Variants in STXBP6 observed in about 807,000 individuals in gnomAD.
STXBP6 encodes syntaxin-binding protein 6.
A neutral mutation model predicts 26.9 loss-of-function variants in STXBP6; 21 were observed. The ratio of observed to expected loss-of-function variants is 0.78; its 90% CI spans 0.55 to 1.12. The LOEUF (loss-of-function observed/expected upper bound fraction) is 1.12. Ranked by LOEUF, STXBP6 falls within the 50% of genes most tolerant of loss-of-function variation. The pLI is 0.00. For missense variants in STXBP6, 232 were observed against 257.9 expected (o/e 0.90, Z 0.69); for synonymous variants, 97 against 92.6 (o/e 1.05, Z -0.27).
chr14:24,974,068 C>A (rs987920915), intron 2 of STXBP6, among the ~76,000 whole-genome samples: 118 of 151,738 alleles, frequency 7.8e-4, no homozygotes, highest in African/African-American at 2.7e-3. Flanking sequence ...ATTGTAAATC[C>A]CACAGATCTC....
intron 4 of STXBP6, among the ~76,000 whole-genome samples, chr14:24,838,849 AT>A (rs916194518): frequency 1.3e-5 from 2 of 152,160 alleles, no homozygotes; most frequent in African/African-American, 4.8e-5. Context: ...GCCCTTCCTT[AT>A]TTAATTCCTG....
At chr14:24,856,487 T>C (rs181645816) in intron 3 of STXBP6, among the ~76,000 whole-genome samples, 33 of 152,234 alleles carry the variant, frequency 2.2e-4, no homozygotes, top group Non-Finnish European at 4.3e-4. Flanking sequence ...TTTTAGTCTA[T>C]AGTAACAATT....
intron 1 of STXBP6, among the ~76,000 whole-genome samples, chr14:25,034,478 T>C (rs2075517766): frequency 6.6e-6 from 1 of 152,232 alleles, no homozygotes; most frequent in South Asian, 2.1e-4. Flanking sequence ...AATTAACGTC[T>C]GATCTTCTTT....
chr14:24,935,449 T>C (rs1053225787), intron 2 of STXBP6, among the ~76,000 whole-genome samples: 3 of 152,182 alleles, frequency 2.0e-5, no homozygotes, highest in Admixed American at 6.5e-5. Flanking sequence ...ATGATTCATG[T>C]GAAAAGGCTC....
At chr14:24,886,123 T>A (rs1368014604) in intron 2 of STXBP6, among the ~76,000 whole-genome samples, 1 of 152,226 alleles carries the variant, frequency 6.6e-6, no homozygotes, top group Non-Finnish European at 1.5e-5. Flanking sequence ...CAACACTTTC[T>A]GTATATGACC....
intron 4 of STXBP6, among the ~76,000 whole-genome samples, chr14:24,850,141 G>C (rs960128867): frequency 6.6e-6 from 1 of 152,082 alleles, no homozygotes; most frequent in Admixed American, 6.6e-5. Flanking sequence ...CGCACAAGGT[G>C]AAATAGTTGC....
At position 24,853,065 on chromosome 14, in the gene STXBP6, T is replaced by C. The variant is rs532264537; in HGVS notation, c.451+2871A>G. Among the ~76,000 whole-genome samples the C allele has an allele frequency of 1.3e-4, 20 of 152,266 alleles. No individual in the cohort carries two copies. The South Asian group carries it at 4.1e-3, about 32-fold the overall frequency. ...GTATAGAATCTGGTGTTGGGCAGCATACTAACACCAGTATTAGTTCTTTAA... is the reference window on the plus strand; with the variant it reads ...GTATAGAATCTGGTGTTGGGCAGCACACTAACACCAGTATTAGTTCTTTAA... On this transcript the variant is annotated intron_variant, in intron 4 of 5. Coordinates refer to ENST00000323944, the MANE Select transcript of STXBP6 (RefSeq NM_001394410.1).
chr14:24,949,781 G>A lies in STXBP6; in HGVS notation c.154+24884C>T, dbSNP rs1219206700. On this transcript the variant is annotated intron_variant, in intron 2 of 5. Coordinates refer to ENST00000323944, the MANE Select transcript of STXBP6 (RefSeq NM_001394410.1). Reference sequence around the variant, plus strand: ...ACATAACTGGATATGTAAACAGGCTGTAAATTACTCCTGTAGTGTAACTGA... The same window carrying A: ...ACATAACTGGATATGTAAACAGGCTATAAATTACTCCTGTAGTGTAACTGA... Among the ~76,000 whole-genome samples, 3 of 152,140 alleles carry A rather than the reference G, an allele frequency of 2.0e-5. 1 individual carries two copies. Among genetic ancestry groups the A allele is most frequent in the South Asian group, 4.1e-4 (2 of 4,820 alleles).
At chr14:25,034,665 G>A (rs1480951840) in intron 1 of STXBP6, among the ~76,000 whole-genome samples, 1 of 152,114 alleles carries the variant, frequency 6.6e-6, no homozygotes, top group African/African-American at 2.4e-5. Flanking sequence ...TTCTGACTCT[G>A]TAAAACAGGG....
chr14:24,912,603 A>G (rs1048799556), intron 2 of STXBP6, among the ~76,000 whole-genome samples: 5 of 152,202 alleles, frequency 3.3e-5, no homozygotes, highest in African/African-American at 1.2e-4. Context: ...TAAGGTTTAA[A>G]TAACAATTTA....
At chr14:24,922,778 A>G (rs1301840880) in intron 2 of STXBP6, among the ~76,000 whole-genome samples, 1 of 152,062 alleles carries the variant, frequency 6.6e-6, no homozygotes, top group African/African-American at 2.4e-5. Context: ...ACCATCCCCA[A>G]TATGTACTTT....
intron 2 of STXBP6, among the ~76,000 whole-genome samples, chr14:24,882,185 C>T: frequency 6.6e-6 from 1 of 150,834 alleles, no homozygotes; most frequent in Non-Finnish European, 1.5e-5. Context: ...CGCGACCATC[C>T]CGGCTAAAAC....
At chr14:24,974,576 C>G in intron 2 of STXBP6, 89 bp downstream of exon 2, 1 of 1,219,908 alleles carries the variant, frequency 8.2e-7, no homozygotes, top group Non-Finnish European at 1.1e-6. Context: ...ACCTACAAAA[C>G]CTGTGAATGT....
At chr14:24,949,909 G>A (rs1170819320) in intron 2 of STXBP6, among the ~76,000 whole-genome samples, 9 of 152,178 alleles carry the variant, frequency 5.9e-5, no homozygotes. Context: ...CAATCTGGCT[G>A]TTCTGCACCT....
At chr14:24,955,275 CCTGGGGATGGCT>C (rs2073303854) in intron 2 of STXBP6, among the ~76,000 whole-genome samples, 1 of 152,136 alleles carries the variant, frequency 6.6e-6, no homozygotes, top group African/African-American at 2.4e-5. Context: ...TGATCAACCT[CCTGGGGATGGCT>C]ACCCTGCTTC....
At chr14:24,936,270 A>T (rs1000239285) in intron 2 of STXBP6, among the ~76,000 whole-genome samples, 2 of 152,114 alleles carry the variant, frequency 1.3e-5, no homozygotes, top group Admixed American at 6.5e-5. Flanking sequence ...TCACATATGG[A>T]TCACAGGCCA....
intron 1 of STXBP6, among the ~76,000 whole-genome samples, chr14:24,979,800 C>T (rs775573346): frequency 6.6e-6 from 1 of 152,182 alleles, no homozygotes; most frequent in Non-Finnish European, 1.5e-5. Context: ...CTCACTTCCT[C>T]TGCCTTAGTT....
chr14:24,969,847 T>C (rs369021738), intron 2 of STXBP6, among the ~76,000 whole-genome samples: 2 of 152,320 alleles, frequency 1.3e-5, no homozygotes, highest in African/African-American at 4.8e-5. Context: ...TAACCTCTCA[T>C]GCCTATAAAG....
intron 2 of STXBP6, among the ~76,000 whole-genome samples, chr14:24,908,153 A>G (rs2071448289): frequency 6.6e-6 from 1 of 152,192 alleles, no homozygotes; most frequent in African/African-American, 2.4e-5. Context: ...CGTCTTTACA[A>G]TAAATAGTAT....
Sources: gnomAD v4.1 joint callset for allele counts (sites outside exome capture counted in the v4.1 genomes callset) on GRCh38, gnomAD v4.1.1 for gene constraint, MANE v1.5 for transcripts, NCBI Gene and HGNC (gene_info 2026-07-23, HGNC 2026-07-21) for gene names.